CALN1: variants seen among roughly 807,000 people sequenced by gnomAD.
The protein encoded by CALN1 is calneuron 1, also known as calcium-binding protein 8.
CALN1 carries 17 observed loss-of-function variants against 30.6 expected under a neutral mutation model. The observed-to-expected ratio is 0.56, with a 90% CI of 0.38 to 0.83. The LOEUF (loss-of-function observed/expected upper bound fraction) is 0.83. Ranked by LOEUF, CALN1 falls within the 40% of genes least tolerant of loss-of-function variation. The pLI is 0.00. For synonymous variants in CALN1, 156 were observed against 131.4 expected (o/e 1.19, Z -1.28); for missense variants, 291 against 354.9 (o/e 0.82, Z 1.45).
chr7:72,112,418 G>A (rs1469313196), intron 3 of CALN1, among the ~76,000 whole-genome samples: 1 of 152,178 alleles, frequency 6.6e-6, no homozygotes, highest in African/African-American at 2.4e-5. Flanking sequence ...ATTGCATAAA[G>A]TGATGGCTTT....
At chr7:72,158,534 G>A (rs540394537) in intron 3 of CALN1, among the ~76,000 whole-genome samples, 1 of 152,178 alleles carries the variant, frequency 6.6e-6, no homozygotes, top group Non-Finnish European at 1.5e-5. Flanking sequence ...GCCTTGTTTA[G>A]CTACAGTGTG....
intron 4 of CALN1, among the ~76,000 whole-genome samples, chr7:72,027,542 C>G (rs1292043876): frequency 1.3e-5 from 2 of 151,772 alleles, no homozygotes; most frequent in Admixed American, 6.6e-5. Flanking sequence ...GAAACCCCAT[C>G]TCTACTAAAA....
rs187100481 is a variant in CALN1, at chr7:72,056,857, G to A, written c.389-33088C>T. Among the ~76,000 whole-genome samples the A allele has an allele frequency of 1.0e-3, 157 of 152,214 alleles. 1 individual carries two copies. The highest frequency in any genetic ancestry group is 3.7e-3 in the African/African-American group (153 of 41,546). On this transcript the variant is annotated intron_variant, in intron 4 of 6. Transcript: ENST00000395275. ...AGAAAATGTTCAACTTCAATAATAT[G>A]AAAATAAATGCAAATTAAAGCAATA...
intron 5 of CALN1, among the ~76,000 whole-genome samples, chr7:72,022,794 T>C (rs1057286435): frequency 2.6e-5 from 4 of 152,056 alleles, no homozygotes; most frequent in African/African-American, 9.7e-5. Context: ...TCTTACTAAA[T>C]ACTTGTTGGT....
At chr7:71,819,004 A>C (rs1401144235) in intron 5 of CALN1, among the ~76,000 whole-genome samples, 1 of 151,284 alleles carries the variant, frequency 6.6e-6, no homozygotes, top group African/African-American at 2.4e-5. Context: ...CACAGCACCC[A>C]CCCGACCAGC....
intron 5 of CALN1, among the ~76,000 whole-genome samples, chr7:71,971,754 C>G (rs1797813159): frequency 6.6e-6 from 1 of 150,694 alleles, no homozygotes; most frequent in South Asian, 2.1e-4. Flanking sequence ...AAAAATTAGC[C>G]AAGTATGGTA....
At chr7:72,122,497 G>A (rs1320335152) in intron 3 of CALN1, among the ~76,000 whole-genome samples, 1 of 152,160 alleles carries the variant, frequency 6.6e-6, no homozygotes, top group African/African-American at 2.4e-5. Flanking sequence ...AGTGATTTGG[G>A]AGGCCAAGGT....
At chr7:71,976,654 A>C (rs1798114895) in intron 5 of CALN1, among the ~76,000 whole-genome samples, 1 of 152,190 alleles carries the variant, frequency 6.6e-6, no homozygotes, top group South Asian at 2.1e-4. Flanking sequence ...CTCACGCTGA[A>C]ACTGTGCCCC....
chr7:72,280,024 A>C (rs1585345998), intron 2 of CALN1, among the ~76,000 whole-genome samples: 1 of 152,240 alleles, frequency 6.6e-6, no homozygotes, highest in African/African-American at 2.4e-5. Flanking sequence ...AAAGCCAGTT[A>C]GTGACAGAAG....
intron 3 of CALN1, among the ~76,000 whole-genome samples, chr7:72,240,471 A>G (rs975091484): frequency 6.6e-6 from 1 of 152,192 alleles, no homozygotes; most frequent in Admixed American, 6.5e-5. Context: ...CTGGTGTTAC[A>G]GGTATGAGCT....
chr7:72,388,802 G>A (rs777572940), intron 2 of CALN1, among the ~76,000 whole-genome samples: 11 of 152,094 alleles, frequency 7.2e-5, no homozygotes, highest in Non-Finnish European at 1.5e-4. Context: ...CTTGTCACCC[G>A]GTCGCAGGTG....
chr7:71,843,048 A>G (rs952052048), intron 5 of CALN1, among the ~76,000 whole-genome samples: 3 of 152,182 alleles, frequency 2.0e-5, no homozygotes, highest in Non-Finnish European at 4.4e-5. Context: ...ATTAACTAAT[A>G]AAGGAAGAGA....
At chr7:72,024,435 G>C (rs1349983294) in intron 4 of CALN1, among the ~76,000 whole-genome samples, 3 of 152,118 alleles carry the variant, frequency 2.0e-5, no homozygotes, top group African/African-American at 7.2e-5. Context: ...GTCTTGCTCT[G>C]TTGCCCAGGC....
At chr7:71,923,786 A>G (rs1183504152) in intron 5 of CALN1, among the ~76,000 whole-genome samples, 1 of 117,084 alleles carries the variant, frequency 8.5e-6, no homozygotes, top group Non-Finnish European at 1.7e-5. Flanking sequence ...GAGCACCACA[A>G]TAGACCACAG....
At chr7:71,953,853 G>T (rs113690722) in intron 5 of CALN1, among the ~76,000 whole-genome samples, 1,668 of 152,128 alleles carry the variant, frequency 0.011, 29 homozygotes, top group African/African-American at 0.038. Flanking sequence ...CTGTCTCCTG[G>T]GGGGTGAGGG....
At chr7:72,148,572 T>C (rs1298778079) in intron 3 of CALN1, among the ~76,000 whole-genome samples, 1 of 151,782 alleles carries the variant, frequency 6.6e-6, no homozygotes, top group Non-Finnish European at 1.5e-5. Flanking sequence ...GCACTCCACC[T>C]TGCAGCCTGG....
the CALN1 span, among the ~76,000 whole-genome samples, chr7:72,471,218 T>C: frequency 6.6e-6 from 1 of 152,134 alleles, no homozygotes; most frequent in African/African-American, 2.4e-5. Context: ...AACAGGCAAG[T>C]TGGAGCTTAT....
intron 1 of CALN1, among the ~76,000 whole-genome samples, chr7:72,408,309 C>T (rs949289646): frequency 1.3e-5 from 2 of 150,384 alleles, no homozygotes; most frequent in Non-Finnish European, 2.9e-5. Context: ...TGCGTGGTGG[C>T]TCACGCTTGT....
In CALN1 at chr7:72,155,031, T is replaced by C. The variant is rs185083457; in HGVS notation, c.245-48737A>G. ...ATGATCACACCACTGCACTCCAGTT[T>C]GGACAACAGGGCATGATCATGTCTC... On this transcript the variant is annotated intron_variant, in intron 3 of 6. Transcript: ENST00000395275. Among the ~76,000 whole-genome samples, 67 of 152,036 alleles carry C rather than the reference T, an allele frequency of 4.4e-4. No individual in the cohort carries two copies. In the East Asian group the frequency reaches 0.012, roughly 27 times the overall value.
Sources: gnomAD v4.1 joint callset for allele counts (sites outside exome capture counted in the v4.1 genomes callset) on GRCh38, gnomAD v4.1.1 for gene constraint, MANE v1.5 for transcripts, NCBI Gene and HGNC (gene_info 2026-07-23, HGNC 2026-07-21) for gene names.